The following DIAPH3 variants were observed in gnomAD, a reference collection of about 807,000 sequenced individuals.
DIAPH3 encodes diaphanous related formin 3.
In DIAPH3, 117 loss-of-function variants were observed where a neutral mutation model predicts 144.3. That is an observed-to-expected ratio of 0.81 (90% CI 0.70 to 0.95). The LOEUF (loss-of-function observed/expected upper bound fraction) is 0.95, where lower values mean the gene tolerates loss of function less well. Ranked by LOEUF, DIAPH3 falls within the 40% of genes least tolerant of loss-of-function variation. The pLI is 0.00. For missense variants in DIAPH3, 1,421 were observed against 1,412.7 expected (o/e 1.01, Z -0.09); for synonymous variants, 519 against 488.9 (o/e 1.06, Z -0.81).
chr13:60,008,931 A>G lies in DIAPH3; in HGVS notation c.909-282T>C, dbSNP rs571137698. ...CTTTACAAACATCAACTCATTTTAA[A>G]GTATATAACAATTGTTTGAGGTAGG... On this transcript the variant is annotated intron_variant, in intron 8 of 27. Transcript: ENST00000400324. Among the ~76,000 whole-genome samples the G allele has an allele frequency of 3.3e-5, 5 of 152,316 alleles. No individual in the cohort carries two copies. In the South Asian group the frequency reaches 1.0e-3, roughly 32 times the overall value.
intron 4 of DIAPH3, among the ~76,000 whole-genome samples, chr13:60,093,230 A>C (rs2058008087): frequency 6.6e-6 from 1 of 152,234 alleles, no homozygotes; most frequent in African/African-American, 2.4e-5. Flanking sequence ...AGGGAGACTC[A>C]CATTAAAGAC....
chr13:59,952,686 C>T (rs2049162783), intron 17 of DIAPH3, among the ~76,000 whole-genome samples: 1 of 152,180 alleles, frequency 6.6e-6, no homozygotes, highest in African/African-American at 2.4e-5. Flanking sequence ...CTGCTATTCA[C>T]TCAGAGCTAA....
intron 2 of DIAPH3, among the ~76,000 whole-genome samples, chr13:60,121,324 C>T (rs1158484484): frequency 6.6e-6 from 1 of 151,874 alleles, no homozygotes; most frequent in African/African-American, 2.4e-5. Flanking sequence ...TCTTCAAGGA[C>T]ACCACGAATT....
At chr13:59,983,021 C>T (rs368658752) in intron 13 of DIAPH3, among the ~76,000 whole-genome samples, 28 of 150,938 alleles carry the variant, frequency 1.9e-4, no homozygotes, top group Middle Eastern at 3.4e-3. Context: ...GCCTATTTAT[C>T]GGCCATTTTC....
In DIAPH3 at chr13:59,833,096, T is replaced by C. The variant is rs191777050; in HGVS notation, c.3027+11A>G. 7.5e-4 allele frequency: 1,205 copies of C among 1,604,454 alleles called. No individual in the cohort carries two copies. The highest frequency in any genetic ancestry group is 9.9e-4 in the Non-Finnish European group (1,161 of 1,175,474). ...AAAAAAACTTTTTAAAAAACAATTT[T>C]TTTACCATACCATGAATGTGGTTCT... On this transcript the variant is annotated intron_variant, in intron 24 of 27. Transcript: ENST00000400324.
intron 2 of DIAPH3, 92 bp downstream of exon 2, chr13:60,132,865 T>C: frequency 9.2e-7 from 1 of 1,082,994 alleles, no homozygotes; most frequent in African/African-American, 1.5e-5. Flanking sequence ...TATGTGACTT[T>C]TAGCCATTTC....
chr13:59,918,771 A>G (rs1208400300), intron 18 of DIAPH3, among the ~76,000 whole-genome samples: 2 of 152,126 alleles, frequency 1.3e-5, no homozygotes, highest in African/African-American at 4.8e-5. Context: ...CTTCTTCAAC[A>G]TGCAGACAGC....
chr13:59,935,443 G>A (rs1316773198), intron 17 of DIAPH3, among the ~76,000 whole-genome samples: 11 of 152,220 alleles, frequency 7.2e-5, no homozygotes, highest in South Asian at 6.2e-4. Context: ...ATAGGCAAAC[G>A]ACTGAGAAAA....
At chr13:59,970,793 A>G in intron 16 of DIAPH3, 59 bp downstream of exon 16, 1 of 1,469,746 alleles carries the variant, frequency 6.8e-7, no homozygotes, top group Non-Finnish European at 9.3e-7. Context: ...ATGTATATAT[A>G]AATCCAAAAT....
chr13:59,709,589 C>G (rs375215140), intron 27 of DIAPH3, among the ~76,000 whole-genome samples: 56 of 152,210 alleles, frequency 3.7e-4, no homozygotes, highest in African/African-American at 9.4e-4. Flanking sequence ...AAAAAGTCAG[C>G]AAACAACAGG....
At chr13:59,889,352 G>A (rs754926464) in intron 20 of DIAPH3, among the ~76,000 whole-genome samples, 1 of 151,854 alleles carries the variant, frequency 6.6e-6, no homozygotes, top group Non-Finnish European at 1.5e-5. Context: ...AACTGCCTTC[G>A]AATTTCACTG....
At chr13:59,916,924 T>C (rs1056121800) in intron 18 of DIAPH3, among the ~76,000 whole-genome samples, 1 of 152,184 alleles carries the variant, frequency 6.6e-6, no homozygotes. Context: ...ATGGCTCTTA[T>C]ATCAACTATT....
Position 59,774,185 on chromosome 13 carries a change from T to A in DIAPH3, c.3319+4A>T, listed in dbSNP as rs1427043715. 6.2e-7 allele frequency: 1 copy of A among 1,612,992 alleles called. No individual in the cohort carries two copies. The highest frequency in any genetic ancestry group is 8.5e-7 in the Non-Finnish European group (1 of 1,179,594). On this transcript the variant is annotated splice_donor_region_variant and intron_variant, in intron 27 of 27. Coordinates refer to ENST00000400324, the MANE Select transcript of DIAPH3 (RefSeq NM_001042517.2). ...ATGTGCAATTTATAAATACGGTTTATTACCATGGTTACAAACTTTCAGAAC... is the reference window on the plus strand; with the variant it reads ...ATGTGCAATTTATAAATACGGTTTAATACCATGGTTACAAACTTTCAGAAC...
At chr13:59,746,490 C>T (rs1007173987) in intron 27 of DIAPH3, among the ~76,000 whole-genome samples, 9 of 151,932 alleles carry the variant, frequency 5.9e-5, no homozygotes, top group Non-Finnish European at 1.2e-4. Context: ...TCCGAAAGTG[C>T]TGACATTACA....
chr13:60,146,850 GTA>G (rs759478870), intron 1 of DIAPH3, among the ~76,000 whole-genome samples: 2 of 152,308 alleles, frequency 1.3e-5, no homozygotes, highest in East Asian at 3.9e-4. Context: ...ATAGCCACAG[GTA>G]AGGGAAGGCA....
chr13:59,869,285 C>T (rs1256237391), intron 21 of DIAPH3, among the ~76,000 whole-genome samples: 1 of 152,196 alleles, frequency 6.6e-6, no homozygotes, highest in Non-Finnish European at 1.5e-5. Flanking sequence ...GTTTGCAATT[C>T]CTTAATGACA....
intron 7 of DIAPH3, among the ~76,000 whole-genome samples, chr13:60,015,360 A>G (rs1055729672): frequency 7.9e-5 from 12 of 152,264 alleles, no homozygotes; most frequent in South Asian, 2.1e-4. Flanking sequence ...TCTCAATATT[A>G]CTTGGGTTAA....
intron 24 of DIAPH3, among the ~76,000 whole-genome samples, chr13:59,821,373 AG>A (rs1265231308): frequency 1.3e-5 from 2 of 152,080 alleles, no homozygotes; most frequent in African/African-American, 4.8e-5. Context: ...ACTACTTTCT[AG>A]AAACTCCTGA....
chr13:60,037,272 T>TG (rs955296818), intron 5 of DIAPH3, among the ~76,000 whole-genome samples: 4 of 151,748 alleles, frequency 2.6e-5, no homozygotes, highest in African/African-American at 9.7e-5. Context: ...TAAAATAATC[T>TG]GGGGGGCGGG....
Sources: allele counts gnomAD v4.1 joint callset (sites outside exome capture counted in the v4.1 genomes callset), GRCh38; gene constraint gnomAD v4.1.1; transcripts MANE v1.5; gene names NCBI Gene and HGNC (gene_info 2026-07-23, HGNC 2026-07-21).